STK32B: variants seen among roughly 807,000 people sequenced by gnomAD.
STK32B encodes the protein serine/threonine-protein kinase 32B.
STK32B carries 43 observed loss-of-function variants against 52.6 expected under a neutral mutation model. That is an observed-to-expected ratio of 0.82 (90% confidence interval 0.64 to 1.05). STK32B has a LOEUF of 1.05. Among genes scored for constraint, STK32B ranks in the 50% least tolerant of loss-of-function variants. STK32B has a pLI of 0.00. For missense variants in STK32B, 621 were observed against 534.6 expected, an observed-to-expected ratio of 1.16 and a Z score of -1.59; for synonymous variants, 238 against 204.3, an observed-to-expected ratio of 1.17 and a Z score of -1.41.
At chr4:5,249,473 T>A (rs747299293) in intron 3 of STK32B, among the ~76,000 whole-genome samples, 8 of 137,786 alleles carry the variant, frequency 5.8e-5, no homozygotes, top group African/African-American at 1.9e-4. Context: ...CTTCCTTCCT[T>A]CCTTCCTTCC....
chr4:5,447,057 T>C, intron 7 of STK32B: 1 of 295,302 alleles, frequency 3.4e-6, no homozygotes, highest in Non-Finnish European at 6.5e-6. Context: ...CAAAGCGCCT[T>C]GGCCTCGTGG....
chr4:5,044,482 C>T, the STK32B span, among the ~76,000 whole-genome samples: 1 of 152,320 alleles, frequency 6.6e-6, no homozygotes, highest in Admixed American at 6.5e-5. Context: ...CAGCCCCACC[C>T]TCAGCCTCCC....
chr4:5,391,102 G>A (rs1455902697), intron 4 of STK32B, among the ~76,000 whole-genome samples: 1 of 151,624 alleles, frequency 6.6e-6, no homozygotes, highest in African/African-American at 2.4e-5. Context: ...GGGACTACAG[G>A]CACCCGCCAC....
At chr4:5,040,337 T>C in the STK32B span, among the ~76,000 whole-genome samples, 1 of 151,678 alleles carries the variant, frequency 6.6e-6, no homozygotes, top group Non-Finnish European at 1.5e-5. Flanking sequence ...ATGAGGCCTA[T>C]AGAAGGGAAG....
At chr4:5,341,256 G>C (rs770418858) in intron 4 of STK32B, among the ~76,000 whole-genome samples, 22 of 152,194 alleles carry the variant, frequency 1.4e-4, no homozygotes, top group Non-Finnish European at 2.8e-4. Flanking sequence ...AGGTCACACA[G>C]CTAGTTAGCA....
intron 7 of STK32B, among the ~76,000 whole-genome samples, chr4:5,451,606 G>A (rs771270132): frequency 1.1e-4 from 17 of 152,156 alleles, no homozygotes; most frequent in Non-Finnish European, 1.6e-4. Flanking sequence ...GTACAGGCCC[G>A]TGGTACAGGT....
intron 3 of STK32B, among the ~76,000 whole-genome samples, chr4:5,179,720 T>C (rs73212013): frequency 0.19 from 28,565 of 151,680 alleles, 3,381 homozygotes; most frequent in East Asian, 0.31. Flanking sequence ...TCAGGAGTTA[T>C]TTTGTTATGA....
intron 3 of STK32B, among the ~76,000 whole-genome samples, chr4:5,322,777 T>G (rs1309142621): frequency 6.6e-6 from 1 of 151,406 alleles, no homozygotes; most frequent in Non-Finnish European, 1.5e-5. Flanking sequence ...AGATGGAGAG[T>G]CAGTCACTCA....
chr4:5,337,699 G>C (rs190057635), intron 4 of STK32B, among the ~76,000 whole-genome samples: 1 of 151,716 alleles, frequency 6.6e-6, no homozygotes, highest in Admixed American at 6.6e-5. Flanking sequence ...GTTGAGTTAC[G>C]AGAGGTTCAG....
intron 3 of STK32B, among the ~76,000 whole-genome samples, chr4:5,295,734 TGATTTTTCGAAG>T (rs1292683274): frequency 2.0e-5 from 3 of 152,188 alleles, no homozygotes; most frequent in Non-Finnish European, 4.4e-5. Context: ...CTGGATTTAC[TGATTTTTCGAAG>T]GATTTTTCAT....
intron 1 of STK32B, among the ~76,000 whole-genome samples, chr4:5,053,180 G>T (rs1339966802): frequency 6.6e-6 from 1 of 152,218 alleles, no homozygotes; most frequent in African/African-American, 2.4e-5. Flanking sequence ...GCCCACGAGA[G>T]CCTTCCTTAA....
intron 3 of STK32B, among the ~76,000 whole-genome samples, chr4:5,191,506 G>A (rs571356927): frequency 2.0e-5 from 3 of 152,054 alleles, no homozygotes; most frequent in South Asian, 4.2e-4. Context: ...TGCCCACCTC[G>A]GCATCCCAAA....
At chr4:5,323,274 G>T (rs1401054623) in intron 3 of STK32B, among the ~76,000 whole-genome samples, 4 of 152,050 alleles carry the variant, frequency 2.6e-5, no homozygotes, top group Non-Finnish European at 5.9e-5. Flanking sequence ...CGAGGCACAG[G>T]AAACGGTGAT....
intron 11 of STK32B, among the ~76,000 whole-genome samples, chr4:5,481,346 T>C (rs952455149): frequency 6.6e-6 from 1 of 152,226 alleles, no homozygotes; most frequent in Admixed American, 6.5e-5. Context: ...CTGATGAGCA[T>C]TTTTTCATGT....
At chr4:5,269,507 G>T (rs751081806) in intron 3 of STK32B, among the ~76,000 whole-genome samples, 1 of 152,194 alleles carries the variant, frequency 6.6e-6, no homozygotes, top group Non-Finnish European at 1.5e-5. Flanking sequence ...AAGCAAGGCA[G>T]TGTGAGGCAT....
At chr4:5,138,035 G>A (rs538141654) in intron 1 of STK32B, among the ~76,000 whole-genome samples, 1 of 152,276 alleles carries the variant, frequency 6.6e-6, no homozygotes, top group South Asian at 2.1e-4. Context: ...CATGCTGCTG[G>A]TTACATAACA....
intron 7 of STK32B, among the ~76,000 whole-genome samples, chr4:5,452,904 A>T: frequency 6.6e-6 from 1 of 151,964 alleles, no homozygotes; most frequent in East Asian, 1.9e-4. Flanking sequence ...CCTTATAAAT[A>T]CCACCTGGTA....
At chr4:5,212,569 C>T (rs1257641653) in intron 3 of STK32B, among the ~76,000 whole-genome samples, 2 of 152,212 alleles carry the variant, frequency 1.3e-5, no homozygotes, top group African/African-American at 4.8e-5. Flanking sequence ...ACTGGCACCT[C>T]GTGAAGTCAG....
intron 8 of STK32B, among the ~76,000 whole-genome samples, chr4:5,459,147 C>T (rs1167488986): frequency 6.6e-6 from 1 of 152,232 alleles, no homozygotes; most frequent in Non-Finnish European, 1.5e-5. Flanking sequence ...TCAGCAGATG[C>T]AACCCCTGCT....
Sources: gnomAD v4.1 joint callset for allele counts (sites outside exome capture counted in the v4.1 genomes callset) on GRCh38, gnomAD v4.1.1 for gene constraint, MANE v1.5 for transcripts, NCBI Gene and HGNC (gene_info 2026-07-23, HGNC 2026-07-21) for gene names.